GAB3: variants seen among roughly 807,000 people sequenced by gnomAD.
GAB3 encodes GRB2-associated-binding protein 3.
Under a neutral mutation model 40.4 loss-of-function variants are expected in GAB3, and 12 were observed. The observed-to-expected ratio is 0.30, with a 90% CI of 0.19 to 0.48. The LOEUF (loss-of-function observed/expected upper bound fraction) is 0.48. Among genes scored for constraint, GAB3 ranks in the 20% least tolerant of loss-of-function variants. GAB3 has a pLI of 0.99. For synonymous variants in GAB3, 154 were observed against 176.7 expected, an observed-to-expected ratio of 0.87 and a Z score of 1.02; for missense variants, 381 against 461.9, an observed-to-expected ratio of 0.82 and a Z score of 1.61.
At chrX:154,714,536 C>A (rs1021793650) in intron 2 of GAB3, among the ~76,000 whole-genome samples, 4 of 111,621 alleles carry the variant, frequency 3.6e-5, no homozygotes, top group Admixed American at 9.5e-5. Context: ...ATGAAGAGGA[C>A]CCTGCTCTTA....
intron 4 of GAB3, among the ~76,000 whole-genome samples, chrX:154,701,237 A>G (rs949169245): frequency 1.8e-5 from 2 of 112,111 alleles, no homozygotes; most frequent in Non-Finnish European, 1.9e-5. Flanking sequence ...TAGAACACAG[A>G]AAGTACTTAA....
At chrX:154,684,086 G>A (rs1254005241) in intron 8 of GAB3, among the ~76,000 whole-genome samples, 1 of 112,067 alleles carries the variant, frequency 8.9e-6, no homozygotes, top group Non-Finnish European at 1.9e-5. Flanking sequence ...GAACATTTGT[G>A]TACGAGTATT....
At chrX:154,712,169 C>T (rs1182047427) in intron 4 of GAB3, 60 bp downstream of exon 4, 10 of 893,646 alleles carry the variant, frequency 1.1e-5, no homozygotes, top group Non-Finnish European at 1.4e-5. Flanking sequence ...CACATGGGCA[C>T]AAAGAGTGAA....
In GAB3 at chrX:154,712,509, G is replaced by T; in HGVS notation, c.789C>A (p.Ile263=). ...ACAAGTGGTCCCTGGGTGGCCCATT[G>T]ATTTCTCTACTCCAGATCAGGGCAG... ...PQAALIWSRE[I]NGPPRDHLSS... is the part of the protein sequence containing the mutation. The change falls in exon 4 of 10, where the codon ATC becomes ATA. Residue 263 remains isoleucine (I), a synonymous_variant. Transcript: ENST00000424127. 8.3e-7 allele frequency: 1 copy of T among 1,206,793 alleles called. No individual in the cohort carries two copies. The highest frequency in any genetic ancestry group is 1.1e-6 in the Non-Finnish European group (1 of 893,044).
intron 1 of GAB3, among the ~76,000 whole-genome samples, chrX:154,725,520 T>C (rs781949276): frequency 6.2e-4 from 69 of 110,968 alleles, no homozygotes; most frequent in African/African-American, 2.1e-3. Flanking sequence ...TTCTCAACCA[T>C]GGCTATCTCA....
At chrX:154,685,739 TAA>T (rs1233789372) in intron 8 of GAB3, among the ~76,000 whole-genome samples, 1 of 111,606 alleles carries the variant, frequency 9.0e-6, no homozygotes, top group Non-Finnish European at 1.9e-5. Context: ...AGAATAGAAT[TAA>T]GAGTCCATAA....
intron 8 of GAB3, among the ~76,000 whole-genome samples, chrX:154,693,920 T>C (rs1433575536): frequency 4.5e-5 from 5 of 111,764 alleles, no homozygotes; most frequent in Non-Finnish European, 9.4e-5. Flanking sequence ...TTTTCTATAA[T>C]TTCACAAACA....
chrX:154,707,091 C>T (rs1366311015), intron 4 of GAB3, among the ~76,000 whole-genome samples: 2 of 111,329 alleles, frequency 1.8e-5, no homozygotes, highest in Non-Finnish European at 3.8e-5. Flanking sequence ...TATTTTATGA[C>T]GTCAGCATAA....
At chrX:154,742,749 C>T (rs2071461602) in intron 1 of GAB3, among the ~76,000 whole-genome samples, 1 of 110,426 alleles carries the variant, frequency 9.1e-6, no homozygotes, top group Non-Finnish European at 1.9e-5. Flanking sequence ...CATAGTCTAT[C>T]ATTCCACTTA....
Position 154,699,432 on chromosome X carries a change from C to T in GAB3, c.1207G>A (p.Ala403Thr). 1.7e-6 allele frequency: 2 copies of T among 1,211,460 alleles called. No individual in the cohort carries two copies. Among genetic ancestry groups the T allele is most frequent in the Non-Finnish European group, 2.2e-6 (2 of 895,188 alleles). The change falls in exon 6 of 10, where the codon GCC (alanine) becomes ACC (threonine). Residue 403 changes from alanine (A) to threonine (T), a missense_variant. By Grantham distance (58) the Ala-to-Thr change is moderately conservative (BLOSUM62 0). Coordinates refer to ENST00000424127, the MANE Select transcript of GAB3 (RefSeq NM_001081573.3). ...SYVPMSPQAG[A>T]SGLGPHCSPD... The stretch of plus-strand genomic sequence containing the variant: ...CTGCAGTGGGGTCCAAGACCAGAGG[C>T]ACCAGCCTGGGGGCTCATGGGCACA...
chrX:154,745,729 A>G lies in GAB3; in HGVS notation c.72+5225T>C, dbSNP rs782803673. 3.8e-4 allele frequency among the ~76,000 whole-genome samples: 43 copies of G among 112,242 alleles called. No homozygotes were observed. The South Asian group carries it at 0.015, about 39-fold the overall frequency. ...ACGACACTCATTCAAGAAGATATGGATAACCCACATAGCCCTATATCTATT... is the reference window on the plus strand; with the variant it reads ...ACGACACTCATTCAAGAAGATATGGGTAACCCACATAGCCCTATATCTATT... On this transcript the variant is annotated intron_variant, in intron 1 of 9. Transcript: ENST00000424127.
At chrX:154,741,731 C>G (rs181870549) in intron 1 of GAB3, among the ~76,000 whole-genome samples, 1 of 109,384 alleles carries the variant, frequency 9.1e-6, no homozygotes, top group Admixed American at 9.7e-5. Context: ...ACTCACAGTT[C>G]CACATTGCTG....
intron 8 of GAB3, among the ~76,000 whole-genome samples, chrX:154,692,374 C>T (rs1233057459): frequency 8.9e-6 from 1 of 111,765 alleles, no homozygotes; most frequent in East Asian, 2.8e-4. Context: ...GACAGTTCTC[C>T]AAAGAAGATA....
intron 1 of GAB3, among the ~76,000 whole-genome samples, chrX:154,720,201 A>G (rs2071106799): frequency 9.0e-6 from 1 of 111,591 alleles, no homozygotes; most frequent in African/African-American, 3.3e-5. Flanking sequence ...GCAACAGGCT[A>G]TAACATATAG....
Position 154,678,086 on chromosome X carries a change from G to A in GAB3, c.*92C>T. 1 of 477,570 alleles carries A rather than the reference G, an allele frequency of 2.1e-6. No homozygotes were observed. The allele number at this position is 477,570 out of a possible 1,213,427, so 39.4% of individuals were successfully genotyped here. A position where few individuals can be genotyped will look rare whatever the true frequency, so the allele number is the denominator to read the frequency against. On this transcript the variant is annotated 3_prime_UTR_variant, in exon 10 of 10. Transcript: ENST00000424127. ...GTTTTGACCTGTGTTGACCATCAGTGTGTTTTTAGTGGACAAAAAAAAAAA... is the reference window on the plus strand; with the variant it reads ...GTTTTGACCTGTGTTGACCATCAGTATGTTTTTAGTGGACAAAAAAAAAAA...
chrX:154,748,383 A>C (rs1435602003), intron 1 of GAB3, among the ~76,000 whole-genome samples: 1 of 111,839 alleles, frequency 8.9e-6, no homozygotes, highest in Non-Finnish European at 1.9e-5. Flanking sequence ...GGGGAGTGGA[A>C]TAAGGAGGAG....
intron 4 of GAB3, among the ~76,000 whole-genome samples, chrX:154,710,956 CTTTT>C: frequency 8.9e-6 from 1 of 111,869 alleles, no homozygotes; most frequent in East Asian, 2.8e-4. Context: ...TCATTTTTCC[CTTTT>C]TGTCAACTGT....
Position 154,712,332 on chromosome X carries a change from G to A in GAB3, c.966C>T (p.Arg322=). 8.3e-7 allele frequency: 1 copy of A among 1,211,381 alleles called. No homozygotes were observed. The highest frequency in any genetic ancestry group is 1.1e-6 in the Non-Finnish European group (1 of 895,126). The change falls in exon 4 of 10, where the codon CGC becomes CGT. Residue 322 remains arginine, a synonymous_variant. Transcript: ENST00000424127. ...PPKPSHLSER[R]QEEWSTHSGS... ...CACTGTGTGTACTCCACTCCTCTTG[G>A]CGCCGTTCAGACAGATGGCTTGGCT...
intron 4 of GAB3, among the ~76,000 whole-genome samples, chrX:154,700,973 T>C (rs1414394867): frequency 8.9e-6 from 1 of 111,753 alleles, no homozygotes; most frequent in Non-Finnish European, 1.9e-5. Context: ...TAAGCATATA[T>C]ATTATATATA....
Sources: allele counts gnomAD v4.1 joint callset (sites outside exome capture counted in the v4.1 genomes callset), GRCh38; gene constraint gnomAD v4.1.1; transcripts MANE v1.5; gene names NCBI Gene and HGNC (gene_info 2026-07-23, HGNC 2026-07-21).